SYNCRIP: variants seen among roughly 807,000 people sequenced by gnomAD.
The protein encoded by SYNCRIP is heterogeneous nuclear ribonucleoprotein Q.
Under a neutral mutation model 68.9 loss-of-function variants are expected in SYNCRIP, and 9 were observed. The ratio of observed to expected loss-of-function variants is 0.13; its 90% CI spans 0.08 to 0.23. SYNCRIP has a LOEUF of 0.23. Among genes scored for constraint, SYNCRIP ranks in the 10% least tolerant of loss-of-function variants. The probability of loss-of-function intolerance (pLI) is 1.00; values close to 1 mark genes in which losing one functional copy is unlikely to be tolerated. For synonymous variants in SYNCRIP, 258 were observed against 254.0 expected, an observed-to-expected ratio of 1.02 and a Z score of -0.15; for missense variants, 414 against 770.6, an observed-to-expected ratio of 0.54 and a Z score of 5.48.
At chr6:85,637,864 C>T (rs758194413) in intron 4 of SYNCRIP, among the ~76,000 whole-genome samples, 5 of 152,132 alleles carry the variant, frequency 3.3e-5, no homozygotes, top group Non-Finnish European at 5.9e-5. Flanking sequence ...GAAAAAAAAT[C>T]TCCTATTATT....
At position 85,640,608 on chromosome 6, in the gene SYNCRIP, G is replaced by A. The variant is rs1281929835; in HGVS notation, c.149-44C>T. ...ATCAGCTTTTAATATTTTTAGAAAA[G>A]ATTTTTTAGAGAAGACTATGTTGGC... On this transcript the variant is annotated intron_variant, in intron 2 of 10. Coordinates refer to ENST00000369622, the MANE Select transcript of SYNCRIP (RefSeq NM_006372.5). The A allele has an allele frequency of 7.1e-6, 9 of 1,271,254 alleles. No individual in the cohort carries two copies. The East Asian group carries it at 1.4e-4, about 20-fold the overall frequency. The allele number at this position is 1,271,254 out of a possible 1,614,324, so 78.7% of individuals were successfully genotyped here.
At chr6:85,624,419 C>G (rs941407762) in intron 6 of SYNCRIP, among the ~76,000 whole-genome samples, 2 of 152,156 alleles carry the variant, frequency 1.3e-5, no homozygotes, top group African/African-American at 2.4e-5. Context: ...TCCCATCAAC[C>G]AGTTATTCTC....
intron 10 of SYNCRIP, among the ~76,000 whole-genome samples, chr6:85,618,060 C>T (rs1805974977): frequency 5.9e-5 from 9 of 152,066 alleles, no homozygotes; most frequent in Admixed American, 5.2e-4. Flanking sequence ...ATCCATCCAT[C>T]GAACATGAAA....
chr6:85,634,285 T>C (rs1392083913), intron 6 of SYNCRIP, among the ~76,000 whole-genome samples: 1 of 152,248 alleles, frequency 6.6e-6, no homozygotes, highest in African/African-American at 2.4e-5. Flanking sequence ...CCTCTAATGA[T>C]GTATCTTTAC....
intron 2 of SYNCRIP, among the ~76,000 whole-genome samples, 162 bp downstream of exon 2, chr6:85,641,130 C>T (rs1304026417): frequency 2.0e-5 from 3 of 152,168 alleles, no homozygotes; most frequent in Non-Finnish European, 4.4e-5. Context: ...TCCCTCTATA[C>T]ATCTTAACCT....
chr6:85,628,306 T>G (rs1375998958), intron 6 of SYNCRIP, among the ~76,000 whole-genome samples: 1 of 152,226 alleles, frequency 6.6e-6, no homozygotes, highest in Non-Finnish European at 1.5e-5. Context: ...TCCGCCCGCC[T>G]CAGCCTCCCA....
Position 85,631,339 on chromosome 6 carries a change from C to CAAAAAAAAAAA in SYNCRIP, c.666+5617_666+5627dup, listed in dbSNP as rs71003000. 6.8e-4 allele frequency among the ~76,000 whole-genome samples: 62 copies of CAAAAAAAAAAA among 91,792 alleles called. 2 individuals are homozygous for CAAAAAAAAAAA. Among genetic ancestry groups the CAAAAAAAAAAA allele is most frequent in the African/African-American group, 1.7e-3 (35 of 20,106 alleles). The allele number at this position is 91,792 out of a possible 152,430, so 60.2% of individuals were successfully genotyped here. On this transcript the variant is annotated intron_variant, in intron 6 of 10. Transcript: ENST00000369622. ...GGGTGACAAAGCATGACTGTGTCTCCAAAAAAAAAAAAAAAAGGCCATGGC... is the reference window on the plus strand; with the variant it reads ...GGGTGACAAAGCATGACTGTGTCTCCAAAAAAAAAAAAAAAAAAAAAAAAAAAGGCCATGGC...
upstream of SYNCRIP, chr6:85,643,023 C>A (rs530797798): frequency 7.0e-6 from 1 of 143,380 alleles, no homozygotes; most frequent in Non-Finnish European, 1.5e-5. Context: ...TCCCTTCCCT[C>A]CCCTCCCTCG....
rs560782588 is a variant in SYNCRIP at position 85,619,437 on chromosome 6, C to A, written c.1009-20G>T. 10 of 1,602,060 alleles carry A rather than the reference C, an allele frequency of 6.2e-6. No homozygotes were observed. The East Asian group carries it at 1.4e-4, about 22-fold the overall frequency. ...TTTTACCTAGGGGGAAGAAAATACC[C>A]CCCTGTATTATTTCCAAAGAGTTCC... On this transcript the variant is annotated intron_variant, in intron 8 of 10. Transcript: ENST00000369622.
chr6:85,637,857 A>G (rs1411211720), intron 4 of SYNCRIP, among the ~76,000 whole-genome samples: 1 of 152,232 alleles, frequency 6.6e-6, no homozygotes, highest in Non-Finnish European at 1.5e-5. Context: ...CTACAGGGAA[A>G]AAAAATCTCC....
intron 8 of SYNCRIP, among the ~76,000 whole-genome samples, chr6:85,621,605 CT>C: frequency 8.9e-6 from 1 of 111,804 alleles, no homozygotes; most frequent in African/African-American, 4.9e-5. Flanking sequence ...GACCCTGTCA[CT>C]TAAAAAAAAA....
Position 85,634,870 on chromosome 6 carries a change from A to C in SYNCRIP, c.666+2097T>G, listed in dbSNP as rs143660351. ...CGAGGTAGGAGGACTGCTTGAGACCATGAGTTCAAGACCAACCTGCCAGGC... is the reference window on the plus strand; with the variant it reads ...CGAGGTAGGAGGACTGCTTGAGACCCTGAGTTCAAGACCAACCTGCCAGGC... On this transcript the variant is annotated intron_variant, in intron 6 of 10. Transcript: ENST00000369622. Among the ~76,000 whole-genome samples the C allele has an allele frequency of 3.3e-4, 51 of 152,240 alleles. 1 individual carries two copies. The East Asian group carries it at 9.5e-3, about 28-fold the overall frequency.
At chr6:85,626,045 G>A (rs1381669537) in intron 6 of SYNCRIP, among the ~76,000 whole-genome samples, 1 of 152,138 alleles carries the variant, frequency 6.6e-6, no homozygotes, top group Non-Finnish European at 1.5e-5. Context: ...GCAGTGCTGA[G>A]GTTAAAAACT....
chr6:85,642,757 T>G (rs1228947751), intron 1 of SYNCRIP, 40 bp downstream of exon 1: 1 of 152,690 alleles, frequency 6.5e-6, no homozygotes, highest in African/African-American at 2.4e-5. Context: ...CACAATGTCA[T>G]GGAGCTCCCC....
rs540381252 is a variant in SYNCRIP at position 85,634,535 on chromosome 6, G to A, written c.666+2432C>T. On this transcript the variant is annotated intron_variant, in intron 6 of 10. Coordinates refer to ENST00000369622, the MANE Select transcript of SYNCRIP (RefSeq NM_006372.5). ...ATGCTCAACTCTCTTAAATAGCATA[G>A]TGTTTGCACATAACCTACGAACATT... Among the ~76,000 whole-genome samples the A allele has an allele frequency of 1.3e-4, 19 of 151,686 alleles. No homozygotes were observed. In the South Asian group the frequency reaches 4.0e-3, roughly 32 times the overall value.
chr6:85,622,489 A>G lies in SYNCRIP; in HGVS notation c.1001T>C (p.Met334Thr), dbSNP rs1239099509. The stretch of plus-strand genomic sequence containing the variant: ...TAACTTGACTATCATTACCTTTGCC[A>G]TAACCTCAGGATCAGGATCTTCTAT... ...DPIEDPDPEVMAKVKVLFVRN... is the reference protein window; with the variant it reads ...DPIEDPDPEVTAKVKVLFVRN... Residue 334 changes from methionine (M) to threonine (T), a missense_variant, in exon 8 of 11, where the codon ATG (methionine) becomes ACG (threonine). Transcript: ENST00000369622. 1 of 1,613,874 alleles carries G rather than the reference A, an allele frequency of 6.2e-7. No individual in the cohort carries two copies. The highest frequency in any genetic ancestry group is 1.7e-5 in the Admixed American group (1 of 60,008).
intron 2 of SYNCRIP, 115 bp downstream of exon 2, chr6:85,641,177 G>C: frequency 1.3e-6 from 1 of 769,518 alleles, no homozygotes; most frequent in East Asian, 2.6e-5. Context: ...ATCACAACAA[G>C]CAAAACTCCA....
At chr6:85,616,827 C>CA (rs1805830317) in intron 10 of SYNCRIP, among the ~76,000 whole-genome samples, 2 of 152,030 alleles carry the variant, frequency 1.3e-5, no homozygotes, top group African/African-American at 4.8e-5. Context: ...ATTTTGCCAC[C>CA]ACCTCTTTCC....
chr6:85,614,999 T>C lies in SYNCRIP; in HGVS notation c.1629A>G (p.Gln543=). 1 of 1,613,726 alleles carries C rather than the reference T, an allele frequency of 6.2e-7. No individual in the cohort carries two copies. Among genetic ancestry groups the C allele is most frequent in the Non-Finnish European group, 8.5e-7 (1 of 1,179,774 alleles). ...RGVRGARGGA[Q]QQRGRGVRGA... ...CACGTACCCCGCGGCCTCTTTGTTG[T>C]TGGGCACCTCCTCTCGCACCTCGAA... The change falls in exon 11 of 11, where the codon CAA becomes CAG. Residue 543 remains glutamine (Q), a synonymous_variant. Transcript: ENST00000369622.
Sources: allele counts gnomAD v4.1 joint callset (sites outside exome capture counted in the v4.1 genomes callset), GRCh38; gene constraint gnomAD v4.1.1; transcripts MANE v1.5; gene names NCBI Gene and HGNC (gene_info 2026-07-23, HGNC 2026-07-21).